ULK2: variants seen among roughly 807,000 people sequenced by gnomAD.
The protein encoded by ULK2 is serine/threonine-protein kinase ULK2.
A neutral mutation model predicts 127.5 loss-of-function variants in ULK2; 76 were observed. That is an observed-to-expected ratio of 0.60 (90% CI 0.50 to 0.72). ULK2 has a LOEUF of 0.72. Ranked by LOEUF, ULK2 falls within the 30% of genes least tolerant of loss-of-function variation. The pLI is 0.00. For missense variants in ULK2, 1,144 were observed against 1,295.9 expected, an observed-to-expected ratio of 0.88 and a Z score of 1.80; for synonymous variants, 452 against 461.9, an observed-to-expected ratio of 0.98 and a Z score of 0.28.
At chr17:19,820,708 C>T (rs559019203) in intron 12 of ULK2, among the ~76,000 whole-genome samples, 27 of 152,302 alleles carry the variant, frequency 1.8e-4, no homozygotes, top group Admixed American at 3.3e-4. Context: ...ACTTCATGTA[C>T]GGAAATTCTT....
At position 19,786,071 on chromosome 17, in the gene ULK2, C is replaced by A; in HGVS notation, c.2117G>T (p.Cys706Phe). The change falls in exon 21 of 27, where the codon TGT becomes TTT. Residue 706 changes from cysteine (C) to phenylalanine (F), a missense_variant. Physicochemically the swap from Cys to Phe is radical, Grantham distance 205. This residue lies in a region of ULK2 where 913 missense variants were observed against 970.5 expected (regional missense o/e 0.94). Coordinates refer to ENST00000395544, the MANE Select transcript of ULK2 (RefSeq NM_014683.4). Reference protein sequence around the residue: ...RPMDIAPAGACGGVLAPPAGT... With the variant: ...RPMDIAPAGAFGGVLAPPAGT... The stretch of plus-strand genomic sequence containing the variant: ...TGCAGGAGGTGCCAGAACACCACCA[C>A]AGGCTCCTGCCGGAGCTACAACAAA... 6.4e-7 allele frequency: 1 copy of A among 1,563,230 alleles called. No homozygotes were observed. The highest frequency in any genetic ancestry group is 8.6e-7 in the Non-Finnish European group (1 of 1,162,156).
At chr17:19,866,010 C>A (rs2042343918) in intron 1 of ULK2, among the ~76,000 whole-genome samples, 182 bp from the exon 2 acceptor site, 1 of 152,090 alleles carries the variant, frequency 6.6e-6, no homozygotes, top group South Asian at 2.1e-4. Flanking sequence ...TCCTACAACA[C>A]AACTTCTAAA....
chr17:19,791,844 CAAAAAAAA>C (rs58434256), intron 20 of ULK2, among the ~76,000 whole-genome samples: 1,343 of 48,234 alleles, frequency 0.028, 16 homozygotes, highest in East Asian at 0.12. Flanking sequence ...ACCCTGTTTA[CAAAAAAAA>C]AAAAAAAAAA....
At chr17:19,832,133 A>G (rs952117639) in intron 10 of ULK2, among the ~76,000 whole-genome samples, 1 of 152,164 alleles carries the variant, frequency 6.6e-6, no homozygotes, top group African/African-American at 2.4e-5. Context: ...ATCTCAAAAA[A>G]AAAAAGAAAA....
rs373584548 is a variant in ULK2 at position 19,846,729 on chromosome 17, C to G, written c.469+8G>C. On this transcript the variant is annotated splice_region_variant and intron_variant, in intron 6 of 26. Transcript: ENST00000395544. ...GTCCTTTCCATGACACAATACATGG[C>G]CATTTACCTATTTTGATGCGAATAC... is the stretch of plus-strand genomic sequence containing the variant. The G allele has an allele frequency of 1.9e-6, 3 of 1,593,316 alleles. No homozygotes were observed. Among genetic ancestry groups the G allele is most frequent in the African/African-American group, 2.7e-5 (2 of 74,012 alleles).
intron 26 of ULK2, among the ~76,000 whole-genome samples, chr17:19,777,039 A>T (rs1461189354): frequency 6.6e-6 from 1 of 152,166 alleles, no homozygotes; most frequent in Non-Finnish European, 1.5e-5. Context: ...CTAGTTATGC[A>T]TCTATTTATC....
chr17:19,843,488 A>G (rs577922871), intron 7 of ULK2, among the ~76,000 whole-genome samples: 50 of 152,222 alleles, frequency 3.3e-4, no homozygotes, highest in African/African-American at 1.1e-3. Flanking sequence ...ATGGACACAT[A>G]AAGTACAGTA....
chr17:19,847,035 ATTTATTTT>A, intron 5 of ULK2, 125 bp from the exon 6 acceptor site: 1 of 898,236 alleles, frequency 1.1e-6, no homozygotes, highest in Non-Finnish European at 1.6e-6. Context: ...ATTCACATTT[ATTTATTTT>A]TTTAACTTTA....
At position 19,797,356 on chromosome 17, in the gene ULK2, A is replaced by G. The variant is rs747636619; in HGVS notation, c.1809+40T>C. The G allele has an allele frequency of 1.3e-5, 20 of 1,567,640 alleles. No homozygotes were observed. The African/African-American group carries it at 2.7e-4, about 21-fold the overall frequency. On this transcript the variant is annotated intron_variant, in intron 18 of 26. Transcript: ENST00000395544. ...TAATGAATCCTTTCCATAAAGTACT[A>G]TACCAGTTCCTGACCTACAAAAGGG...
intron 9 of ULK2, 87 bp from the exon 10 acceptor site, chr17:19,838,670 C>A (rs1241722234): frequency 5.5e-6 from 6 of 1,088,598 alleles, no homozygotes; most frequent in East Asian, 4.8e-5. Context: ...TAAACTAAAA[C>A]GTGTATGCGG....
At chr17:19,851,375 C>G (rs926185441) in intron 3 of ULK2, among the ~76,000 whole-genome samples, 23 of 141,660 alleles carry the variant, frequency 1.6e-4, no homozygotes, top group Non-Finnish European at 3.2e-4. Flanking sequence ...CAGTGGCTCA[C>G]ACCTGTAATC....
At chr17:19,784,013 G>C (rs565123818) in intron 21 of ULK2, 108 bp from the exon 22 acceptor site, 9 of 1,026,756 alleles carry the variant, frequency 8.8e-6, no homozygotes, top group Non-Finnish European at 1.1e-5. Context: ...GGAAAGTTTC[G>C]TTAAAAGAAA....
intron 2 of ULK2, among the ~76,000 whole-genome samples, chr17:19,865,278 T>A (rs1021292275): frequency 1.3e-5 from 2 of 152,120 alleles, no homozygotes; most frequent in African/African-American, 4.8e-5. Flanking sequence ...TACTCAACCA[T>A]CTTCTCAAAC....
At chr17:19,863,091 A>G (rs961531067) in intron 3 of ULK2, among the ~76,000 whole-genome samples, 1 of 152,016 alleles carries the variant, frequency 6.6e-6, no homozygotes, top group Non-Finnish European at 1.5e-5. Context: ...GCAGGCGCCT[A>G]TAATCCCAGC....
At chr17:19,850,930 A>C (rs2042000133) in intron 3 of ULK2, among the ~76,000 whole-genome samples, 1 of 151,888 alleles carries the variant, frequency 6.6e-6, no homozygotes, top group African/African-American at 2.4e-5. Context: ...TGTAATCCCA[A>C]CACTTTGGAA....
At chr17:19,835,544 G>A (rs1262434531) in intron 10 of ULK2, among the ~76,000 whole-genome samples, 2 of 149,564 alleles carry the variant, frequency 1.3e-5, no homozygotes, top group South Asian at 2.1e-4. Flanking sequence ...GTGAAACCCC[G>A]TCTCTACTAA....
rs552400492 is a variant in ULK2 at position 19,862,241 on chromosome 17, C to A, written c.225+2562G>T. 2.6e-5 allele frequency among the ~76,000 whole-genome samples: 4 copies of A among 151,920 alleles called. No individual in the cohort carries two copies. The South Asian group carries it at 8.3e-4, about 32-fold the overall frequency. On this transcript the variant is annotated intron_variant, in intron 3 of 26. Coordinates refer to ENST00000395544, the MANE Select transcript of ULK2 (RefSeq NM_014683.4). The stretch of plus-strand genomic sequence containing the variant: ...CCTCCTGAGTAACTGGGATTACAGG[C>A]ACCTGCCACCACACCCAGCTGATTT...
intron 13 of ULK2, among the ~76,000 whole-genome samples, chr17:19,813,681 G>A (rs1336177438): frequency 1.3e-5 from 2 of 152,076 alleles, no homozygotes; most frequent in African/African-American, 2.4e-5. Flanking sequence ...ATCTTGACAG[G>A]AGCAGTTTTG....
chr17:19,780,560 T>C lies in ULK2; in HGVS notation c.2828A>G (p.Asn943Ser). Residue 943 changes from asparagine to serine, a missense_variant, in exon 25 of 27, where the codon AAT becomes AGT. Transcript: ENST00000395544. ...CCTCTGTTTGTCAGAGAAGAATCGA[T>C]TCAGCTTTTCTGTAAGTTTCTTGCA... ...TMCKKLTEKL[N>S]RFFSDKQRFI... 2 of 1,614,024 alleles carry C rather than the reference T, an allele frequency of 1.2e-6. No individual in the cohort carries two copies. Among genetic ancestry groups the C allele is most frequent in the Non-Finnish European group, 8.5e-7 (1 of 1,179,966 alleles).
Sources: gnomAD v4.1 joint callset for allele counts (sites outside exome capture counted in the v4.1 genomes callset) on GRCh38, gnomAD v4.1.1 for gene constraint, gnomAD v4.1.1 regional missense constraint, MANE v1.5 for transcripts, NCBI Gene and HGNC (gene_info 2026-07-23, HGNC 2026-07-21) for gene names.